SLC39A11: variants seen among roughly 807,000 people sequenced by gnomAD.
The protein encoded by SLC39A11 is zinc transporter ZIP11.
SLC39A11 carries 33 observed loss-of-function variants against 36.1 expected under a neutral mutation model. The ratio of observed to expected loss-of-function variants is 0.91; its 90% CI spans 0.69 to 1.22. SLC39A11 has a LOEUF of 1.22. Among genes scored for constraint, SLC39A11 ranks in the 50% most tolerant of loss-of-function variants. The pLI is 0.00. For synonymous variants in SLC39A11, 166 were observed against 170.3 expected (o/e 0.97, Z 0.20); for missense variants, 432 against 430.3 (o/e 1.00, Z -0.03).
intron 7 of SLC39A11, among the ~76,000 whole-genome samples, chr17:72,731,307 C>T (rs965360348): frequency 6.6e-5 from 10 of 152,152 alleles, no homozygotes; most frequent in Admixed American, 1.3e-4. Flanking sequence ...TCTCTGCCTC[C>T]GGTATCTCCA....
intron 5 of SLC39A11, among the ~76,000 whole-genome samples, chr17:72,918,388 G>A (rs981478291): frequency 6.6e-6 from 1 of 152,100 alleles, no homozygotes; most frequent in Non-Finnish European, 1.5e-5. Flanking sequence ...CAGCCTGGGC[G>A]ACAAGCGTGA....
chr17:72,823,112 C>T (rs1184770711), intron 6 of SLC39A11, among the ~76,000 whole-genome samples: 2 of 151,176 alleles, frequency 1.3e-5, no homozygotes, highest in Admixed American at 1.3e-4. Context: ...CAAAAGCGTT[C>T]AACTCAGTGC....
intron 6 of SLC39A11, among the ~76,000 whole-genome samples, chr17:72,745,306 G>A (rs774803667): frequency 1.3e-5 from 2 of 152,268 alleles, no homozygotes; most frequent in Non-Finnish European, 2.9e-5. Context: ...ACTCAGAGGT[G>A]CTGTGGGGAC....
intron 4 of SLC39A11, among the ~76,000 whole-genome samples, chr17:72,962,725 C>T (rs543515057): frequency 1.1e-4 from 17 of 152,112 alleles, no homozygotes; most frequent in South Asian, 6.2e-4. Flanking sequence ...TTAGTAGAGA[C>T]GGGGTTTCAT....
intron 5 of SLC39A11, among the ~76,000 whole-genome samples, chr17:72,923,355 C>G (rs1293888957): frequency 6.6e-6 from 1 of 152,258 alleles, no homozygotes; most frequent in Admixed American, 6.5e-5. Flanking sequence ...TGGACTGGCC[C>G]TGAGTCTCAG....
Position 72,647,616 on chromosome 17 carries a change from C to A in SLC39A11, c.976G>T (p.Val326Leu), listed in dbSNP as rs776772108. 5 of 1,613,952 alleles carry A rather than the reference C, an allele frequency of 3.1e-6. No homozygotes were observed. The highest frequency in any genetic ancestry group is 1.3e-5 in the African/African-American group (1 of 74,930). The change falls in exon 10 of 10, where the codon GTG becomes TTG. Residue 326 changes from valine to leucine, a missense_variant. By Grantham distance (32) the Val-to-Leu change is conservative. Coordinates refer to ENST00000255559, the MANE Select transcript of SLC39A11 (RefSeq NM_139177.4). The part of the protein sequence containing the change: ...ASWASILGFV[V>L]MMSLDVGLG Reference sequence around the variant, plus strand: ...AGGCCAACGTCCAGTGACATCATCACTACAAATCCCAGGATGGAGGCCCAG... The same window carrying A: ...AGGCCAACGTCCAGTGACATCATCAATACAAATCCCAGGATGGAGGCCCAG...
At chr17:72,835,333 A>G (rs957468511) in intron 6 of SLC39A11, among the ~76,000 whole-genome samples, 1 of 152,230 alleles carries the variant, frequency 6.6e-6, no homozygotes, top group Non-Finnish European at 1.5e-5. Context: ...CACAACCAGA[A>G]CCAGACAATT....
At chr17:73,040,170 G>C (rs2143456914) in intron 3 of SLC39A11, among the ~76,000 whole-genome samples, 1 of 152,280 alleles carries the variant, frequency 6.6e-6, no homozygotes, top group South Asian at 2.1e-4. Flanking sequence ...TAATAATCCT[G>C]TTAAATACTT....
At chr17:72,828,758 C>T (rs1238288386) in intron 6 of SLC39A11, among the ~76,000 whole-genome samples, 1 of 152,068 alleles carries the variant, frequency 6.6e-6, no homozygotes, top group Admixed American at 6.6e-5. Flanking sequence ...ATGGCCCCAC[C>T]CTGGTCCAGG....
chr17:73,009,722 A>T (rs1046694807), intron 4 of SLC39A11, among the ~76,000 whole-genome samples: 2 of 152,012 alleles, frequency 1.3e-5, no homozygotes, highest in Non-Finnish European at 2.9e-5. Context: ...TGCTATGTGA[A>T]TTTCATCTCA....
chr17:73,070,797 CTCTCT>C (rs2060140236), intron 3 of SLC39A11, among the ~76,000 whole-genome samples: 2 of 152,174 alleles, frequency 1.3e-5, no homozygotes. Context: ...CCTGCACAAG[CTCTCT>C]TCTCTTGTCT....
chr17:72,953,528 G>A (rs1043809893), intron 4 of SLC39A11, among the ~76,000 whole-genome samples: 7 of 152,092 alleles, frequency 4.6e-5, no homozygotes, highest in African/African-American at 1.7e-4. Context: ...GGCAGGAGGA[G>A]GGCAACTGTT....
intron 4 of SLC39A11, among the ~76,000 whole-genome samples, chr17:72,957,893 G>C (rs972273256): frequency 1.3e-5 from 2 of 152,016 alleles, no homozygotes; most frequent in Admixed American, 6.6e-5. Flanking sequence ...AGGAGGCTAA[G>C]GCAGGAGAAT....
intron 4 of SLC39A11, among the ~76,000 whole-genome samples, chr17:73,029,642 C>T (rs1217472330): frequency 6.6e-6 from 1 of 151,752 alleles, no homozygotes; most frequent in Non-Finnish European, 1.5e-5. Flanking sequence ...AGTGCAGTGG[C>T]ACCATCTCGG....
intron 6 of SLC39A11, among the ~76,000 whole-genome samples, chr17:72,834,349 C>T (rs555415725): frequency 6.6e-6 from 1 of 152,284 alleles, no homozygotes; most frequent in African/African-American, 2.4e-5. Flanking sequence ...AGGCTGGGCA[C>T]GGTGGCTCAC....
chr17:73,066,376 G>A (rs1049109649), intron 3 of SLC39A11, among the ~76,000 whole-genome samples: 20 of 152,070 alleles, frequency 1.3e-4, no homozygotes, highest in African/African-American at 4.8e-4. Context: ...TAGAACCAGG[G>A]GAAATAAATT....
chr17:72,939,227 G>A (rs532195823), intron 5 of SLC39A11, among the ~76,000 whole-genome samples: 3 of 152,294 alleles, frequency 2.0e-5, no homozygotes, highest in South Asian at 2.1e-4. Context: ...CCGGGAGGCC[G>A]AGGTGGGTGG....
At chr17:72,760,446 T>C (rs1408844805) in intron 6 of SLC39A11, among the ~76,000 whole-genome samples, 1 of 152,244 alleles carries the variant, frequency 6.6e-6, no homozygotes, top group Admixed American at 6.5e-5. Context: ...TTGATGAGGC[T>C]GGACCCTGGG....
At chr17:72,809,054 A>T (rs367699820) in intron 6 of SLC39A11, among the ~76,000 whole-genome samples, 2 of 152,226 alleles carry the variant, frequency 1.3e-5, no homozygotes, top group Non-Finnish European at 2.9e-5. Flanking sequence ...GTGGGCAAGA[A>T]GAACATGTTG....
Sources: gnomAD v4.1 joint callset for allele counts (sites outside exome capture counted in the v4.1 genomes callset) on GRCh38, gnomAD v4.1.1 for gene constraint, MANE v1.5 for transcripts, NCBI Gene and HGNC (gene_info 2026-07-23, HGNC 2026-07-21) for gene names.